CACNG4: variants seen among roughly 807,000 people sequenced by gnomAD.
CACNG4 encodes voltage-dependent calcium channel gamma-4 subunit.
A neutral mutation model predicts 22.9 loss-of-function variants in CACNG4; 8 were observed. The ratio of observed to expected loss-of-function variants is 0.35; its 90% CI spans 0.21 to 0.63. The LOEUF (loss-of-function observed/expected upper bound fraction) is 0.63, where lower values mean the gene tolerates loss of function less well. Ranked by LOEUF, CACNG4 falls within the 30% of genes least tolerant of loss-of-function variation. The pLI is 0.72. For missense variants in CACNG4, 357 were observed against 455.4 expected (o/e 0.78, Z 1.97); for synonymous variants, 188 against 191.9 (o/e 0.98, Z 0.17).
At chr17:66,988,687 C>T (rs1417153511) in intron 1 of CACNG4, among the ~76,000 whole-genome samples, 1 of 152,048 alleles carries the variant, frequency 6.6e-6, no homozygotes, top group Non-Finnish European at 1.5e-5. Context: ...GTCTCTTTGC[C>T]TCTCTTAGAC....
intron 1 of CACNG4, among the ~76,000 whole-genome samples, chr17:67,010,602 T>C (rs2035462748): frequency 6.6e-6 from 1 of 152,200 alleles, no homozygotes; most frequent in Admixed American, 6.5e-5. Context: ...TTGCTGTCAC[T>C]CTTATCATGA....
chr17:66,982,368 C>T (rs2035281977), intron 1 of CACNG4, among the ~76,000 whole-genome samples: 1 of 152,164 alleles, frequency 6.6e-6, no homozygotes, highest in South Asian at 2.1e-4. Context: ...TTTTACAAAC[C>T]TCTAGCTAGC....
chr17:67,026,486 T>C (rs555248590), intron 3 of CACNG4, among the ~76,000 whole-genome samples: 123 of 116,966 alleles, frequency 1.1e-3, no homozygotes, highest in Non-Finnish European at 1.6e-3. Context: ...GGGGTGTGTC[T>C]GTATTTGAGG....
intron 1 of CACNG4, among the ~76,000 whole-genome samples, chr17:66,997,249 G>A (rs1221790235): frequency 6.6e-6 from 1 of 152,182 alleles, no homozygotes; most frequent in Non-Finnish European, 1.5e-5. Context: ...GATAAGAGGG[G>A]TGGATTTGAG....
intron 1 of CACNG4, among the ~76,000 whole-genome samples, chr17:66,979,980 T>G (rs1416725763): frequency 6.6e-6 from 1 of 152,112 alleles, no homozygotes; most frequent in Non-Finnish European, 1.5e-5. Flanking sequence ...GGTCTTGAAC[T>G]CCTGACCTCG....
intron 2 of CACNG4, among the ~76,000 whole-genome samples, chr17:67,022,716 C>T (rs1266109656): frequency 1.3e-5 from 2 of 152,244 alleles, no homozygotes; most frequent in East Asian, 3.9e-4. Flanking sequence ...CCTGCGGGGG[C>T]CACCAAGGGT....
intron 2 of CACNG4, chr17:67,021,749 G>A (rs1334686398): frequency 6.6e-6 from 1 of 152,388 alleles, no homozygotes; most frequent in Non-Finnish European, 1.5e-5. Context: ...GGGGGCTGGT[G>A]TCAGGGCTGC....
intron 1 of CACNG4, among the ~76,000 whole-genome samples, chr17:67,003,373 C>A (rs2035419709): frequency 6.6e-6 from 1 of 151,814 alleles, no homozygotes; most frequent in Non-Finnish European, 1.5e-5. Context: ...TCTATGCTAT[C>A]CAGCCAAAGG....
chr17:67,024,430 C>G (rs2143367812), intron 2 of CACNG4, among the ~76,000 whole-genome samples: 1 of 152,374 alleles, frequency 6.6e-6, no homozygotes, highest in East Asian at 1.9e-4. Context: ...GATGCGTGTG[C>G]TCTCAACCAC....
At chr17:66,970,139 T>A (rs2035194864) in intron 1 of CACNG4, among the ~76,000 whole-genome samples, 2 of 152,140 alleles carry the variant, frequency 1.3e-5, no homozygotes, top group African/African-American at 4.8e-5. Flanking sequence ...TTATTTGCCT[T>A]TTATAGTTGT....
chr17:67,023,996 G>A (rs1156815907), intron 2 of CACNG4, among the ~76,000 whole-genome samples: 1 of 152,192 alleles, frequency 6.6e-6, no homozygotes, highest in East Asian at 1.9e-4. Context: ...AGTTATAAAA[G>A]GGGACTGAGG....
At chr17:67,025,028 G>A (rs372640286) in intron 3 of CACNG4, 28 bp downstream of exon 3, 3 of 1,558,600 alleles carry the variant, frequency 1.9e-6, no homozygotes, top group Non-Finnish European at 2.6e-6. Context: ...GCTGGTGCTG[G>A]GCCGGGAGCT....
At chr17:67,005,062 A>G (rs538026103) in intron 1 of CACNG4, among the ~76,000 whole-genome samples, 38 of 152,298 alleles carry the variant, frequency 2.5e-4, no homozygotes, top group Middle Eastern at 3.4e-3. Flanking sequence ...GAAGCGTCCC[A>G]AAGGATGGAA....
At chr17:67,005,580 T>G (rs528188805) in intron 1 of CACNG4, among the ~76,000 whole-genome samples, 3 of 152,168 alleles carry the variant, frequency 2.0e-5, no homozygotes, top group African/African-American at 7.2e-5. Context: ...AGAAATGGAT[T>G]CTCTCCAAGA....
chr17:66,974,066 A>G (rs1030373410), intron 1 of CACNG4, among the ~76,000 whole-genome samples: 2 of 152,198 alleles, frequency 1.3e-5, no homozygotes, highest in African/African-American at 2.4e-5. Context: ...CTTCAACCAT[A>G]AAAGGAAGAA....
At chr17:66,965,284 G>A (rs572329037) in intron 1 of CACNG4, among the ~76,000 whole-genome samples, 153 bp downstream of exon 1, 13 of 149,874 alleles carry the variant, frequency 8.7e-5, no homozygotes, top group African/African-American at 2.7e-4. Flanking sequence ...CTGGCTCCGC[G>A]CGAGACACAA....
chr17:67,007,303 C>G (rs929614919), intron 1 of CACNG4, among the ~76,000 whole-genome samples: 1 of 152,200 alleles, frequency 6.6e-6, no homozygotes, highest in Non-Finnish European at 1.5e-5. Context: ...GATAGTCGTC[C>G]TCATTTGCCC....
chr17:66,978,483 A>C (rs941328281), intron 1 of CACNG4, among the ~76,000 whole-genome samples: 3 of 152,086 alleles, frequency 2.0e-5, no homozygotes, highest in Non-Finnish European at 4.4e-5. Flanking sequence ...CCCCTCCCCC[A>C]CACACCAAAG....
intron 1 of CACNG4, among the ~76,000 whole-genome samples, chr17:66,999,755 G>A (rs1055506474): frequency 2.1e-5 from 3 of 145,848 alleles, no homozygotes; most frequent in Non-Finnish European, 3.1e-5. Flanking sequence ...CCATTGACAC[G>A]TGGGAATACA....
Sources: allele counts gnomAD v4.1 joint callset (sites outside exome capture counted in the v4.1 genomes callset), GRCh38; gene constraint gnomAD v4.1.1; transcripts MANE v1.5; gene names NCBI Gene and HGNC (gene_info 2026-07-23, HGNC 2026-07-21).